The following VWC2 variants were observed in gnomAD, a reference collection of about 807,000 sequenced individuals.
The protein encoded by VWC2 is brorin.
A neutral mutation model predicts 29.8 loss-of-function variants in VWC2; 14 were observed. The observed-to-expected ratio is 0.47, with a 90% confidence interval of 0.31 to 0.74. The LOEUF (loss-of-function observed/expected upper bound fraction) is 0.74, where lower values mean the gene tolerates loss of function less well. Ranked by LOEUF, VWC2 falls within the 30% of genes least tolerant of loss-of-function variation. The pLI, the probability that VWC2 is intolerant of heterozygous loss-of-function variation, is 0.05. For synonymous variants in VWC2, 213 were observed against 199.0 expected, an observed-to-expected ratio of 1.07 and a Z score of -0.59; for missense variants, 457 against 459.8, an observed-to-expected ratio of 0.99 and a Z score of 0.05.
At chr7:49,783,897 A>T (rs776333984) in intron 2 of VWC2, among the ~76,000 whole-genome samples, 12 of 151,946 alleles carry the variant, frequency 7.9e-5, no homozygotes, top group Non-Finnish European at 1.6e-4. Context: ...AAAAAATAAT[A>T]ATAATAAAAT....
intron 2 of VWC2, among the ~76,000 whole-genome samples, chr7:49,796,702 T>C (rs1184371287): frequency 6.6e-6 from 1 of 152,208 alleles, no homozygotes; most frequent in Non-Finnish European, 1.5e-5. Context: ...TTCTGTAACA[T>C]TTCAGAGCCT....
At chr7:49,922,047 G>A (rs541725124), downstream of VWC2, 9 of 152,104 alleles carry the variant, frequency 5.9e-5, no homozygotes, top group South Asian at 1.5e-3. Flanking sequence ...ATGTATATAC[G>A]TCATTAAAAA....
downstream of VWC2, among the ~76,000 whole-genome samples, chr7:49,922,132 T>C (rs567992979): frequency 6.6e-6 from 1 of 152,312 alleles, no homozygotes; most frequent in Admixed American, 6.5e-5. Flanking sequence ...GTAACTTTTA[T>C]TTCTCTTATT....
chr7:49,798,561 C>T (rs1014942793), intron 2 of VWC2, among the ~76,000 whole-genome samples: 3 of 152,176 alleles, frequency 2.0e-5, no homozygotes, highest in African/African-American at 7.2e-5. Context: ...TATGAGTGTA[C>T]AGTGGCCATC....
At chr7:49,786,432 C>T (rs976978679) in intron 2 of VWC2, among the ~76,000 whole-genome samples, 1 of 152,160 alleles carries the variant, frequency 6.6e-6, no homozygotes, top group Non-Finnish European at 1.5e-5. Context: ...GTGAGTAGTG[C>T]TGCAATGAAC....
chr7:49,914,170 G>A lies in VWC2; in HGVS notation c.*1985G>A. 1 of 152,150 alleles carries A rather than the reference G, an allele frequency of 6.6e-6. No homozygotes were observed. Among genetic ancestry groups the A allele is most frequent in the East Asian group, 1.9e-4 (1 of 5,194 alleles). The allele number at this position is 152,150 out of a possible 1,614,324, so 9.4% of individuals were successfully genotyped here. A position where few individuals can be genotyped will look rare whatever the true frequency, so the allele number is the denominator to read the frequency against. ...TGGCCCTAGCCCCCATGGGTAGGTG[G>A]GCCATTAGTAACCTCTTCTCTCTCC... On this transcript the variant is annotated 3_prime_UTR_variant, in exon 4 of 4. Transcript: ENST00000340652.
chr7:49,789,339 G>GT (rs2128703417), intron 2 of VWC2, among the ~76,000 whole-genome samples: 1 of 151,264 alleles, frequency 6.6e-6, no homozygotes, highest in African/African-American at 2.4e-5. Context: ...GGGTGCGTGT[G>GT]AGTGTATATG....
chr7:49,860,181 A>G (rs937183075), intron 3 of VWC2, among the ~76,000 whole-genome samples: 2 of 152,174 alleles, frequency 1.3e-5, no homozygotes, highest in African/African-American at 4.8e-5. Context: ...AGGTTGTGCA[A>G]TCATCACCAC....
At chr7:49,880,313 G>T (rs73111333) in intron 3 of VWC2, among the ~76,000 whole-genome samples, 2 of 151,754 alleles carry the variant, frequency 1.3e-5, no homozygotes, top group South Asian at 4.1e-4. Flanking sequence ...TATTTTTAAC[G>T]CATGATGCTG....
At position 49,912,317 on chromosome 7, in the gene VWC2, C is replaced by T; in HGVS notation, c.*132C>T. ...TAATGGAAAATTGTTGGTACTTTTCCTTTTCTTGATAACAGTTACTACAAC... is the reference window on the plus strand; with the variant it reads ...TAATGGAAAATTGTTGGTACTTTTCTTTTTCTTGATAACAGTTACTACAAC... On this transcript the variant is annotated 3_prime_UTR_variant, in exon 4 of 4. Transcript: ENST00000340652. The T allele has an allele frequency of 1.1e-6, 1 of 943,384 alleles. No homozygotes were observed. Among genetic ancestry groups the T allele is most frequent in the Non-Finnish European group, 1.5e-6 (1 of 659,608 alleles). The allele number at this position is 943,384 out of a possible 1,614,324, so 58.4% of individuals were successfully genotyped here. A position where few individuals can be genotyped will look rare whatever the true frequency, so the allele number is the denominator to read the frequency against.
chr7:49,862,120 T>C (rs1333788270), intron 3 of VWC2, among the ~76,000 whole-genome samples: 2 of 152,206 alleles, frequency 1.3e-5, no homozygotes, highest in African/African-American at 4.8e-5. Context: ...ACATCAGATA[T>C]CTTTTCATTT....
chr7:49,874,225 G>A (rs564710895), intron 3 of VWC2, among the ~76,000 whole-genome samples: 1 of 152,208 alleles, frequency 6.6e-6, no homozygotes, highest in South Asian at 2.1e-4. Context: ...CCACATTTCG[G>A]TCAACTATAG....
At chr7:49,774,221 C>G (rs1268855554) in intron 1 of VWC2, 108 bp downstream of exon 1, 2 of 152,732 alleles carry the variant, frequency 1.3e-5, no homozygotes, top group Non-Finnish European at 1.5e-5. Context: ...TCCGGAGGAA[C>G]CCCCTCCCCC....
intron 2 of VWC2, among the ~76,000 whole-genome samples, chr7:49,791,978 G>A (rs1788470512): frequency 6.6e-6 from 1 of 152,190 alleles, no homozygotes; most frequent in South Asian, 2.1e-4. Context: ...CCAAGGCTTA[G>A]CCTCTTTGTG....
chr7:49,806,957 G>C (rs559404620), intron 3 of VWC2, among the ~76,000 whole-genome samples: 1 of 152,152 alleles, frequency 6.6e-6, no homozygotes, highest in Non-Finnish European at 1.5e-5. Flanking sequence ...TTTTAACAAG[G>C]ATGTTTAGCA....
At chr7:49,893,589 T>C (rs1424745753) in intron 3 of VWC2, among the ~76,000 whole-genome samples, 2 of 152,096 alleles carry the variant, frequency 1.3e-5, no homozygotes, top group Non-Finnish European at 2.9e-5. Context: ...CATCAACATA[T>C]TTTTAGTTTA....
At chr7:49,870,920 G>A (rs190842359) in intron 3 of VWC2, among the ~76,000 whole-genome samples, 23 of 152,268 alleles carry the variant, frequency 1.5e-4, no homozygotes, top group African/African-American at 4.1e-4. Context: ...AAATGACTAC[G>A]GAACTGCTCC....
In VWC2 at chr7:49,919,614, T is replaced by C. The variant is rs1231355924; in HGVS notation, c.*7429T>C. On this transcript the variant is annotated 3_prime_UTR_variant, in exon 4 of 4. Transcript: ENST00000340652. Reference sequence around the variant, plus strand: ...TAATATAGATTAATTATAAAAATAATCTACCCATGTTACATAATGTTAAAT... The same window carrying C: ...TAATATAGATTAATTATAAAAATAACCTACCCATGTTACATAATGTTAAAT... 1.3e-5 allele frequency: 2 copies of C among 152,180 alleles called. No homozygotes were observed. Among genetic ancestry groups the C allele is most frequent in the African/African-American group, 4.8e-5 (2 of 41,444 alleles). 9.4% of individuals were successfully genotyped at this position (152,180 alleles called of 1,614,324 possible). A position where few individuals can be genotyped will look rare whatever the true frequency, so the allele number is the denominator to read the frequency against.
chr7:49,841,117 A>G (rs993556625), intron 3 of VWC2, among the ~76,000 whole-genome samples: 3 of 152,220 alleles, frequency 2.0e-5, no homozygotes, highest in Non-Finnish European at 2.9e-5. Flanking sequence ...GACATAATGC[A>G]TACAAGCGAA....
Sources: gnomAD v4.1 joint callset for allele counts (sites outside exome capture counted in the v4.1 genomes callset) on GRCh38, gnomAD v4.1.1 for gene constraint, MANE v1.5 for transcripts, NCBI Gene and HGNC (gene_info 2026-07-23, HGNC 2026-07-21) for gene names.